CNTNAP4: variants seen among roughly 807,000 people sequenced by gnomAD.
The protein encoded by CNTNAP4 is contactin-associated protein-like 4.
In CNTNAP4, 98 loss-of-function variants were observed where a neutral mutation model predicts 148.4. The observed-to-expected ratio is 0.66, with a 90% CI of 0.56 to 0.78. The LOEUF (loss-of-function observed/expected upper bound fraction) is 0.78, where lower values mean the gene tolerates loss of function less well. Among genes scored for constraint, CNTNAP4 ranks in the 30% least tolerant of loss-of-function variants. The pLI, the probability that CNTNAP4 is intolerant of heterozygous loss-of-function variation, is 0.00. For missense variants in CNTNAP4, 1,935 were observed against 1,565.6 expected (o/e 1.24, Z -3.98); for synonymous variants, 730 against 565.1 (o/e 1.29, Z -4.14).
chr16:76,383,168 G>T (rs2144713025), intron 3 of CNTNAP4, among the ~76,000 whole-genome samples: 1 of 150,288 alleles, frequency 6.7e-6, no homozygotes, highest in Non-Finnish European at 1.5e-5. Context: ...TTTAATGAAA[G>T]AAACTTTCCC....
At chr16:76,514,080 A>G (rs1026890432) in intron 15 of CNTNAP4, among the ~76,000 whole-genome samples, 1 of 152,166 alleles carries the variant, frequency 6.6e-6, no homozygotes, top group Admixed American at 6.5e-5. Flanking sequence ...TTCTCCTTTT[A>G]TATTAAATGA....
rs1410283683 is a variant in CNTNAP4 at position 76,489,770 on chromosome 16, T to C, written c.1967T>C (p.Phe656Ser). 1 of 1,604,938 alleles carries C rather than the reference T, an allele frequency of 6.2e-7. No individual in the cohort carries two copies. The highest frequency in any genetic ancestry group is 8.5e-7 in the Non-Finnish European group (1 of 1,175,322). The change falls in exon 13 of 24, where the codon TTT (phenylalanine) becomes TCT (serine). Residue 656 changes from phenylalanine to serine, a missense_variant. By Grantham distance (155) the Phe-to-Ser change is radical. Coordinates refer to ENST00000611870, the MANE Select transcript of CNTNAP4 (RefSeq NM_033401.5). ...NTNPENPYAGFFEYVASMEQL... is the reference protein window; with the variant it reads ...NTNPENPYAGSFEYVASMEQL... The stretch of plus-strand genomic sequence containing the variant: ...AATCCAGAGAACCCATATGCTGGGT[T>C]TTTCGAGTATGTGGCCAGCATGGAG...
chr16:76,452,804 A>G, intron 8 of CNTNAP4, 35 bp downstream of exon 8: 1 of 1,482,776 alleles, frequency 6.7e-7, no homozygotes, highest in Non-Finnish European at 9.0e-7. Flanking sequence ...AAGCATATGG[A>G]TTTGAAAGAT....
intron 5 of CNTNAP4, among the ~76,000 whole-genome samples, 169 bp downstream of exon 5, chr16:76,448,384 C>G (rs527459998): frequency 1.2e-5 from 1 of 83,856 alleles, no homozygotes; most frequent in South Asian, 5.9e-4. Context: ...TCATATTTTG[C>G]AAATTGCACA....
intron 8 of CNTNAP4, among the ~76,000 whole-genome samples, chr16:76,457,577 C>T (rs1393397979): frequency 6.6e-6 from 1 of 152,134 alleles, no homozygotes; most frequent in Non-Finnish European, 1.5e-5. Flanking sequence ...TTAGTTAATC[C>T]TGCTGCATGC....
At position 76,316,453 on chromosome 16, in the gene CNTNAP4, A is replaced by G. The variant is rs1314684741; in HGVS notation, c.126A>G (p.Ala42=). 1.2e-6 allele frequency: 2 copies of G among 1,613,924 alleles called. No homozygotes were observed. The highest frequency in any genetic ancestry group is 3.3e-5 in the Admixed American group (2 of 60,010). Reference sequence around the variant, plus strand: ...CTCTTGTGTCTGCCTTGCCTCAGGCATCCTTCAGCAGTTCTTCCGAGCTCT... The same window carrying G: ...CTCTTGTGTCTGCCTTGCCTCAGGCGTCCTTCAGCAGTTCTTCCGAGCTCT... ...DDPLVSALPQ[A]SFSSSSELSS... The change falls in exon 2 of 24, where the codon GCA becomes GCG. Residue 42 remains alanine (A), a synonymous_variant. Coordinates refer to ENST00000611870, the MANE Select transcript of CNTNAP4 (RefSeq NM_033401.5).
Position 76,403,344 on chromosome 16 carries a change from C to A in CNTNAP4, c.391-24108C>A, listed in dbSNP as rs150853204. ...TCCTGACCTCGTGATCCACCCACCTCGGCCTCCCAAAGGGCTGGGATTACA... is the reference window on the plus strand; with the variant it reads ...TCCTGACCTCGTGATCCACCCACCTAGGCCTCCCAAAGGGCTGGGATTACA... On this transcript the variant is annotated intron_variant, in intron 3 of 23. Coordinates refer to ENST00000611870, the MANE Select transcript of CNTNAP4 (RefSeq NM_033401.5). Among the ~76,000 whole-genome samples, 792 of 152,198 alleles carry A rather than the reference C, an allele frequency of 5.2e-3. 9 individuals are homozygous for A. The highest frequency in any genetic ancestry group is 0.018 in the African/African-American group (768 of 41,528).
intron 9 of CNTNAP4, among the ~76,000 whole-genome samples, chr16:76,465,018 G>A (rs1045890108): frequency 3.3e-5 from 5 of 152,182 alleles, no homozygotes; most frequent in Admixed American, 3.3e-4. Context: ...GATACTGTGT[G>A]CAAAATTCTC....
intron 1 of CNTNAP4, among the ~76,000 whole-genome samples, chr16:76,304,447 G>A (rs1960278094): frequency 6.6e-6 from 1 of 152,098 alleles, no homozygotes; most frequent in Non-Finnish European, 1.5e-5. Flanking sequence ...TGGGAGGGTT[G>A]AGGGCTCTCA....
chr16:76,483,585 C>T (rs1568355442), intron 12 of CNTNAP4, among the ~76,000 whole-genome samples: 1 of 152,152 alleles, frequency 6.6e-6, no homozygotes, highest in Non-Finnish European at 1.5e-5. Context: ...TCAGTGCGTG[C>T]AACCTTCTGT....
intron 4 of CNTNAP4, among the ~76,000 whole-genome samples, chr16:76,445,310 T>C (rs915426127): frequency 1.3e-5 from 2 of 152,198 alleles, no homozygotes; most frequent in Non-Finnish European, 2.9e-5. Context: ...AATGCTTTTA[T>C]GAACTTAGTT....
chr16:76,462,177 T>A, intron 9 of CNTNAP4, 72 bp downstream of exon 9: 1 of 1,327,020 alleles, frequency 7.5e-7, no homozygotes, highest in Non-Finnish European at 1.0e-6. Context: ...CTTGGCGAAG[T>A]CATCATGTTT....
chr16:76,536,253 T>A (rs913871079), intron 18 of CNTNAP4, among the ~76,000 whole-genome samples: 21 of 152,106 alleles, frequency 1.4e-4, no homozygotes, highest in Non-Finnish European at 1.5e-5. Flanking sequence ...TGGAGTGCAG[T>A]GGCGCAATCT....
chr16:76,371,368 C>T (rs1308769541), intron 3 of CNTNAP4, among the ~76,000 whole-genome samples: 1 of 152,154 alleles, frequency 6.6e-6, no homozygotes, highest in African/African-American at 2.4e-5. Context: ...TGACTGCAAC[C>T]TCCACCTCCC....
In CNTNAP4 at chr16:76,473,445, A is replaced by T. The variant is rs533256337; in HGVS notation, c.1656-2494A>T. ...AATACATAATATTGTTTTTAGTTAAAATTGGAAAAAATTCTGTAAGCAAAA... is the reference window on the plus strand; with the variant it reads ...AATACATAATATTGTTTTTAGTTAATATTGGAAAAAATTCTGTAAGCAAAA... On this transcript the variant is annotated intron_variant, in intron 10 of 23. Coordinates refer to ENST00000611870, the MANE Select transcript of CNTNAP4 (RefSeq NM_033401.5). Among the ~76,000 whole-genome samples, 46 of 152,228 alleles carry T rather than the reference A, an allele frequency of 3.0e-4. No homozygotes were observed. The East Asian group carries it at 5.0e-3, about 17-fold the overall frequency.
intron 3 of CNTNAP4, among the ~76,000 whole-genome samples, chr16:76,370,287 C>T (rs1026430434): frequency 6.8e-6 from 1 of 148,054 alleles, no homozygotes; most frequent in African/African-American, 2.6e-5. Flanking sequence ...TGTATTCTGA[C>T]AGAAAAAAAA....
At chr16:76,502,856 C>T (rs2082706718) in intron 15 of CNTNAP4, among the ~76,000 whole-genome samples, 1 of 151,632 alleles carries the variant, frequency 6.6e-6, no homozygotes, top group African/African-American at 2.4e-5. Context: ...TTCATTTTCT[C>T]ACACAAACGA....
At chr16:76,315,692 T>G (rs1961654023) in intron 1 of CNTNAP4, among the ~76,000 whole-genome samples, 1 of 152,104 alleles carries the variant, frequency 6.6e-6, no homozygotes, top group Non-Finnish European at 1.5e-5. Context: ...CCTCTCAGGT[T>G]AAAGCGATTC....
rs570997470 is a variant in CNTNAP4 at position 76,502,229 on chromosome 16, GAAGGACT to G, written c.2365+3551_2365+3557del. ...CGTCACGTGAGGTTATTTTCTGCAT[GAAGGACT>G]AAGGACTAAGGACTATTTTCTGCAT... On this transcript the variant is annotated intron_variant, in intron 15 of 23. Coordinates refer to ENST00000611870, the MANE Select transcript of CNTNAP4 (RefSeq NM_033401.5). Among the ~76,000 whole-genome samples the G allele has an allele frequency of 1.5e-3, 233 of 152,292 alleles. 1 individual carries two copies. The highest frequency in any genetic ancestry group is 5.2e-3 in the African/African-American group (217 of 41,556).
Sources: allele counts gnomAD v4.1 joint callset (sites outside exome capture counted in the v4.1 genomes callset), GRCh38; gene constraint gnomAD v4.1.1; transcripts MANE v1.5; gene names NCBI Gene and HGNC (gene_info 2026-07-23, HGNC 2026-07-21).